TRIM2: variants seen among roughly 807,000 people sequenced by gnomAD.
TRIM2 encodes the protein tripartite motif-containing protein 2.
In TRIM2, 20 loss-of-function variants were observed where a neutral mutation model predicts 75.2. The observed-to-expected ratio is 0.27, with a 90% CI of 0.19 to 0.39. The LOEUF (loss-of-function observed/expected upper bound fraction) is 0.39. TRIM2 is among the 10% of genes least tolerant of loss of function. The pLI, the probability that TRIM2 is intolerant of heterozygous loss-of-function variation, is 1.00. For missense variants in TRIM2, 660 were observed against 990.8 expected, an observed-to-expected ratio of 0.67 and a Z score of 4.48; for synonymous variants, 373 against 388.3, an observed-to-expected ratio of 0.96 and a Z score of 0.46.
intron 1 of TRIM2, among the ~76,000 whole-genome samples, chr4:153,160,216 TAA>T (rs746935966): frequency 2.6e-5 from 4 of 152,202 alleles, no homozygotes; most frequent in Non-Finnish European, 5.9e-5. Context: ...TTAATTCCCT[TAA>T]GTTAGTCTTT....
intron 1 of TRIM2, among the ~76,000 whole-genome samples, chr4:153,237,887 T>C (rs1364310132): frequency 6.6e-6 from 1 of 152,202 alleles, no homozygotes; most frequent in Non-Finnish European, 1.5e-5. Flanking sequence ...ATTGGTAGTA[T>C]GCTCTCCAGC....
rs114128913 is a variant in TRIM2 at position 153,327,426 on chromosome 4, A to T, written c.2023-1104A>T. Among the ~76,000 whole-genome samples, 47 of 152,324 alleles carry T rather than the reference A, an allele frequency of 3.1e-4. 1 individual carries two copies. The highest frequency in any genetic ancestry group is 1.1e-3 in the African/African-American group (47 of 41,560). The stretch of plus-strand genomic sequence containing the variant: ...GTCTTGAGATCATCCCCAAATGAAG[A>T]TCTGTACTCAAATATAGTGAGCTCT... On this transcript the variant is annotated intron_variant, in intron 10 of 11. Transcript: ENST00000338700.
rs187224447 is a variant in TRIM2, at chr4:153,266,611, G to A, written c.31-3724G>A. Among the ~76,000 whole-genome samples, 113 of 150,834 alleles carry A rather than the reference G, an allele frequency of 7.5e-4. 1 individual carries two copies. The highest frequency in any genetic ancestry group is 7.4e-3 in the Admixed American group (112 of 15,172). Reference sequence around the variant, plus strand: ...CCACCTCGACCTCCCAAAGTGCTGGGATTACAGGTGTGAGCCACTGTGCCC... The same window carrying A: ...CCACCTCGACCTCCCAAAGTGCTGGAATTACAGGTGTGAGCCACTGTGCCC... On this transcript the variant is annotated intron_variant, in intron 1 of 11. Coordinates refer to ENST00000338700, the MANE Select transcript of TRIM2 (RefSeq NM_015271.5).
intron 11 of TRIM2, among the ~76,000 whole-genome samples, chr4:153,332,717 G>C (rs1771762722): frequency 6.6e-6 from 1 of 151,424 alleles, no homozygotes; most frequent in Non-Finnish European, 1.5e-5. Context: ...TACATAAAAA[G>C]ATGTGCAATA....
chr4:153,317,122 C>T (rs750690063), intron 8 of TRIM2, among the ~76,000 whole-genome samples: 14 of 149,896 alleles, frequency 9.3e-5, no homozygotes, highest in Non-Finnish European at 1.8e-4. Context: ...CCTCATGATC[C>T]GCCCGCCTCG....
intron 1 of TRIM2, among the ~76,000 whole-genome samples, chr4:153,243,924 C>T (rs1474512265): frequency 6.6e-6 from 1 of 151,264 alleles, no homozygotes; most frequent in Admixed American, 6.6e-5. Context: ...GCTCAAGTGA[C>T]CCTCCTGCCT....
intron 1 of TRIM2, among the ~76,000 whole-genome samples, chr4:153,226,626 C>G (rs1380144495): frequency 6.6e-6 from 1 of 152,132 alleles, no homozygotes; most frequent in Non-Finnish European, 1.5e-5. Flanking sequence ...TTGGTCCAAC[C>G]TAAAATATTA....
chr4:153,280,258 T>G (rs987311455), intron 3 of TRIM2, among the ~76,000 whole-genome samples: 3 of 152,162 alleles, frequency 2.0e-5, no homozygotes, highest in Non-Finnish European at 2.9e-5. Context: ...GTCTCCCATT[T>G]CATTTGTGAT....
At chr4:153,158,862 G>A (rs572084025) in intron 1 of TRIM2, among the ~76,000 whole-genome samples, 60 of 152,324 alleles carry the variant, frequency 3.9e-4, no homozygotes, top group African/African-American at 1.4e-3. Context: ...CTTGAGCAGT[G>A]GCTCAAAAGG....
intron 1 of TRIM2, chr4:153,223,139 G>C (rs1324838442): frequency 1.3e-5 from 2 of 152,236 alleles, no homozygotes; most frequent in Admixed American, 1.3e-4. Context: ...ATTTCCGGAC[G>C]GGCGCTGCGG....
rs868649165 is a variant in TRIM2 at position 153,243,821 on chromosome 4, C to T, written c.31-26514C>T. Among the ~76,000 whole-genome samples, 177 of 104,520 alleles carry T rather than the reference C, an allele frequency of 1.7e-3. 3 individuals carry two copies. The highest frequency in any genetic ancestry group is 6.4e-3 in the African/African-American group (164 of 25,692). 68.6% of individuals were successfully genotyped at this position (104,520 alleles called of 152,430 possible). A position where few individuals can be genotyped will look rare whatever the true frequency, so the allele number is the denominator to read the frequency against. ...TCCTCCCCCTCCTTTTTTTTTTTCC[C>T]CCCCCCCTTGAGACAGGATCTCTCA... On this transcript the variant is annotated intron_variant, in intron 1 of 11. Transcript: ENST00000338700.
chr4:153,283,525 T>C (rs1309839489), intron 3 of TRIM2, among the ~76,000 whole-genome samples: 3 of 152,258 alleles, frequency 2.0e-5, no homozygotes, highest in African/African-American at 7.2e-5. Context: ...TTCATGTACA[T>C]GTTTTTGTGT....
intron 1 of TRIM2, among the ~76,000 whole-genome samples, chr4:153,257,170 GC>G (rs1434479697): frequency 6.6e-6 from 1 of 152,180 alleles, no homozygotes; most frequent in Non-Finnish European, 1.5e-5. Flanking sequence ...CCCTGTACCT[GC>G]CCCGGCTGCG....
upstream of TRIM2, among the ~76,000 whole-genome samples, chr4:153,203,844 A>G (rs549151598): frequency 4.6e-5 from 7 of 152,236 alleles, no homozygotes; most frequent in South Asian, 1.5e-3. Context: ...GTGAGCCAAG[A>G]TTGTGCCACT....
chr4:153,266,895 T>G lies in TRIM2; in HGVS notation c.31-3440T>G, dbSNP rs1477606668. The G allele has an allele frequency of 3.5e-4, 16 of 45,924 alleles. No homozygotes were observed. In the African/African-American group the frequency reaches 4.0e-3, roughly 11 times the overall value. The allele number at this position is 45,924 out of a possible 1,614,324, so 2.8% of individuals were successfully genotyped here. On this transcript the variant is annotated intron_variant, in intron 1 of 11. Transcript: ENST00000338700. ...ACATAAACAGCAGAATTTTCTGGGT[T>G]TTTTTTTTTTTTTTTTTGACTAGTC...
chr4:153,248,291 C>T lies in TRIM2; in HGVS notation c.31-22044C>T, dbSNP rs1032261171. Among the ~76,000 whole-genome samples the T allele has an allele frequency of 3.3e-5, 5 of 152,186 alleles. No homozygotes were observed. Among genetic ancestry groups the T allele is most frequent in the Non-Finnish European group, 5.9e-5 (4 of 68,030 alleles). Reference sequence around the variant, plus strand: ...GATTACAGGCGTGAGCCACCGCACCCGGCCTAGATCAGGTTCTTTACATAG... The same window carrying T: ...GATTACAGGCGTGAGCCACCGCACCTGGCCTAGATCAGGTTCTTTACATAG... On this transcript the variant is annotated intron_variant, in intron 1 of 11. Coordinates refer to ENST00000338700, the MANE Select transcript of TRIM2 (RefSeq NM_015271.5). This position sits in a 1 kb window ranked among gnomAD's most constrained non-coding sequence, Gnocchi z 4.0.
chr4:153,209,316 C>T lies in TRIM2; in HGVS notation c.30+4756C>T, dbSNP rs959199682. 7.2e-5 allele frequency among the ~76,000 whole-genome samples: 11 copies of T among 152,230 alleles called. No homozygotes were observed. The South Asian group carries it at 2.1e-3, about 29-fold the overall frequency. On this transcript the variant is annotated intron_variant, in intron 1 of 11. Transcript: ENST00000338700. ...TTATTAGCATGCTGTTTTATCACTC[C>T]GATATGTTCAAGGGACCCACCCCCA...
intron 1 of TRIM2, among the ~76,000 whole-genome samples, chr4:153,221,788 G>GAAAGAAGAA (rs763467979): frequency 0.19 from 19,924 of 103,604 alleles, 1,757 homozygotes; most frequent in African/African-American, 0.31. Flanking sequence ...AGAAGAAAAG[G>GAAAGAAGAA]AAGGAAAGAG....
At chr4:153,164,491 C>A (rs1455612099) in intron 1 of TRIM2, among the ~76,000 whole-genome samples, 1 of 152,088 alleles carries the variant, frequency 6.6e-6, no homozygotes, top group Non-Finnish European at 1.5e-5. Flanking sequence ...TCTGCTATTT[C>A]TGTTACATTT....
Sources: allele counts gnomAD v4.1 joint callset (sites outside exome capture counted in the v4.1 genomes callset), GRCh38; gene constraint gnomAD v4.1.1; non-coding constraint Gnocchi (gnomAD v3.1); transcripts MANE v1.5; gene names NCBI Gene and HGNC (gene_info 2026-07-23, HGNC 2026-07-21).